Variants in ZNF385B observed in about 807,000 individuals in gnomAD.
ZNF385B encodes zinc finger protein 533.
In ZNF385B, 23 loss-of-function variants were observed where a neutral mutation model predicts 39.2. The ratio of observed to expected loss-of-function variants is 0.59; its 90% CI spans 0.42 to 0.83. The LOEUF (loss-of-function observed/expected upper bound fraction) is 0.83. ZNF385B is among the 40% of genes least tolerant of loss of function. The pLI is 0.00. For missense variants in ZNF385B, 552 were observed against 598.9 expected, an observed-to-expected ratio of 0.92 and a Z score of 0.82; for synonymous variants, 205 against 222.6, an observed-to-expected ratio of 0.92 and a Z score of 0.70.
rs116486951 is a variant in ZNF385B, at chr2:179,727,564, A to G, written c.298+41939T>C. On this transcript the variant is annotated intron_variant, in intron 3 of 9. Coordinates refer to ENST00000410066, the MANE Select transcript of ZNF385B (RefSeq NM_152520.6). The stretch of plus-strand genomic sequence containing the variant: ...TGCCACCTCAAAACATTTATAATCT[A>G]CTTAAGTAGACCATAGCAGTGTAGC... Among the ~76,000 whole-genome samples the G allele has an allele frequency of 8.8e-3, 1,335 of 152,206 alleles. 21 individuals carry two copies. Among genetic ancestry groups the G allele is most frequent in the African/African-American group, 0.03 (1,262 of 41,570 alleles).
At chr2:179,630,389 T>C (rs1575032902) in intron 3 of ZNF385B, among the ~76,000 whole-genome samples, 1 of 152,128 alleles carries the variant, frequency 6.6e-6, no homozygotes, top group African/African-American at 2.4e-5. Context: ...GTGTCTGGAG[T>C]GGACCTCCAG....
intron 5 of ZNF385B, among the ~76,000 whole-genome samples, chr2:179,500,019 A>C (rs2056610488): frequency 6.6e-6 from 1 of 152,068 alleles, no homozygotes; most frequent in Non-Finnish European, 1.5e-5. Context: ...AAAAGATATA[A>C]AAAAGTAATC....
intron 1 of ZNF385B, among the ~76,000 whole-genome samples, chr2:179,812,096 T>C (rs751981280): frequency 3.9e-5 from 6 of 152,030 alleles, no homozygotes; most frequent in Non-Finnish European, 8.8e-5. Context: ...GACAACACTA[T>C]GTTACACCAA....
intron 1 of ZNF385B, among the ~76,000 whole-genome samples, chr2:179,786,935 C>T (rs765093109): frequency 2.0e-5 from 3 of 152,042 alleles, no homozygotes; most frequent in Non-Finnish European, 4.4e-5. Context: ...ACTGAGAAAG[C>T]TGGTTAAAGA....
At chr2:179,583,756 C>G (rs1686794714) in intron 3 of ZNF385B, among the ~76,000 whole-genome samples, 1 of 152,080 alleles carries the variant, frequency 6.6e-6, no homozygotes, top group Admixed American at 6.5e-5. Flanking sequence ...AAATAGACAA[C>G]AAAATAGAGA....
chr2:179,773,178 G>GA (rs889746352), intron 1 of ZNF385B, among the ~76,000 whole-genome samples: 7 of 149,466 alleles, frequency 4.7e-5, no homozygotes, highest in African/African-American at 9.8e-5. Context: ...ATAATAATTT[G>GA]AAAAAAAAAG....
intron 3 of ZNF385B, among the ~76,000 whole-genome samples, chr2:179,751,459 T>C (rs1702672289): frequency 6.6e-6 from 1 of 152,154 alleles, no homozygotes; most frequent in Non-Finnish European, 1.5e-5. Context: ...TGGGAAAACA[T>C]ATTTGAGGAT....
chr2:179,506,218 T>C (rs1251048675), intron 5 of ZNF385B, among the ~76,000 whole-genome samples: 1 of 152,116 alleles, frequency 6.6e-6, no homozygotes, highest in Non-Finnish European at 1.5e-5. Context: ...AAATCAATAA[T>C]GATAGTATAG....
rs1045165782 is a variant in ZNF385B at position 179,560,110 on chromosome 2, T to C, written c.299-15141A>G. On this transcript the variant is annotated intron_variant, in intron 3 of 9. Transcript: ENST00000410066. ...ATGGTAGGATCTTCTTTTTAAAATC[T>C]GAATAATATTCTTTATATGGAATTT... Among the ~76,000 whole-genome samples, 7 of 152,212 alleles carry C rather than the reference T, an allele frequency of 4.6e-5. No homozygotes were observed. The South Asian group carries it at 1.2e-3, about 27-fold the overall frequency.
intron 3 of ZNF385B, among the ~76,000 whole-genome samples, chr2:179,570,435 C>T (rs937205171): frequency 1.3e-5 from 2 of 152,168 alleles, no homozygotes; most frequent in African/African-American, 4.8e-5. Flanking sequence ...GACCCCAGTT[C>T]AAATTTTGCT....
intron 3 of ZNF385B, among the ~76,000 whole-genome samples, chr2:179,656,400 T>C (rs955430872): frequency 1.3e-5 from 2 of 152,180 alleles, no homozygotes; most frequent in African/African-American, 4.8e-5. Flanking sequence ...ACAGAACAAG[T>C]AAGAGGTACA....
intron 3 of ZNF385B, among the ~76,000 whole-genome samples, chr2:179,697,480 T>G (rs934597409): frequency 1.3e-5 from 2 of 152,224 alleles, no homozygotes; most frequent in Admixed American, 1.3e-4. Context: ...GTGAGTTTCC[T>G]GAGGCTTACC....
At chr2:179,672,818 G>T (rs34227133) in intron 3 of ZNF385B, among the ~76,000 whole-genome samples, 1 of 151,936 alleles carries the variant, frequency 6.6e-6, no homozygotes, top group Non-Finnish European at 1.5e-5. Context: ...AATTTCTGTC[G>T]TTTATAAGCC....
chr2:179,463,009 G>A lies in ZNF385B; in HGVS notation c.716-16239C>T, dbSNP rs550945771. Among the ~76,000 whole-genome samples, 3 of 152,034 alleles carry A rather than the reference G, an allele frequency of 2.0e-5. No homozygotes were observed. The East Asian group carries it at 5.8e-4, about 29-fold the overall frequency. On this transcript the variant is annotated intron_variant, in intron 6 of 9. Transcript: ENST00000410066. ...ATATGGATTAGATTTGCTTAAATTA[G>A]AAACATATATAATAAAAAGTTATAT... is the stretch of plus-strand genomic sequence containing the variant.
intron 3 of ZNF385B, among the ~76,000 whole-genome samples, chr2:179,598,995 CTAAT>C (rs2106096873): frequency 6.6e-6 from 1 of 152,174 alleles, no homozygotes; most frequent in Non-Finnish European, 1.5e-5. Context: ...AGAATGATCC[CTAAT>C]TAAAGACATT....
intron 3 of ZNF385B, among the ~76,000 whole-genome samples, chr2:179,641,339 T>C (rs888757738): frequency 1.3e-5 from 2 of 152,132 alleles, no homozygotes; most frequent in Non-Finnish European, 2.9e-5. Context: ...TCTCACACCT[T>C]CCCCATGCAG....
intron 3 of ZNF385B, among the ~76,000 whole-genome samples, chr2:179,645,837 G>T (rs1284740624): frequency 1.3e-5 from 2 of 152,208 alleles, no homozygotes; most frequent in Non-Finnish European, 2.9e-5. Context: ...TCCTGATGGG[G>T]ATAACGAAGG....
At chr2:179,588,550 C>A (rs1381155785) in intron 3 of ZNF385B, among the ~76,000 whole-genome samples, 1 of 152,086 alleles carries the variant, frequency 6.6e-6, no homozygotes, top group African/African-American at 2.4e-5. Flanking sequence ...GTCACACTTA[C>A]CCACCATGAT....
chr2:179,530,028 T>C (rs1574634595), intron 4 of ZNF385B, among the ~76,000 whole-genome samples: 1 of 152,094 alleles, frequency 6.6e-6, no homozygotes, highest in South Asian at 2.1e-4. Flanking sequence ...AAATGTGAAA[T>C]AGAGATTCAC....
Sources: gnomAD v4.1 joint callset for allele counts (sites outside exome capture counted in the v4.1 genomes callset) on GRCh38, gnomAD v4.1.1 for gene constraint, MANE v1.5 for transcripts, NCBI Gene and HGNC (gene_info 2026-07-23, HGNC 2026-07-21) for gene names.